The following RBFOX2 variants were observed in gnomAD, a reference collection of about 807,000 sequenced individuals.
RBFOX2 encodes the protein RNA binding fox-1 homolog 2.
RBFOX2 carries 10 observed loss-of-function variants against 49.1 expected under a neutral mutation model. The observed-to-expected ratio is 0.20, with a 90% CI of 0.13 to 0.35. RBFOX2 has a LOEUF of 0.35. Ranked by LOEUF, RBFOX2 falls within the 10% of genes least tolerant of loss-of-function variation. The probability of loss-of-function intolerance (pLI) is 1.00; values close to 1 mark genes in which losing one functional copy is unlikely to be tolerated. For synonymous variants in RBFOX2, 183 were observed against 187.4 expected, an observed-to-expected ratio of 0.98 and a Z score of 0.19; for missense variants, 323 against 486.9, an observed-to-expected ratio of 0.66 and a Z score of 3.17.
rs9754366 is a variant in RBFOX2 at position 35,865,855 on chromosome 22, T to C, written c.-33-55851A>G. On this transcript the variant is annotated intron_variant, in intron 1 of 13. Coordinates refer to the RBFOX2 transcript ENST00000359369. ...GAGTTTCAGATAAAGGACTGTTGTG[T>C]TGTTCTTTAGCTAAAAAAAAGGCAG... Among the ~76,000 whole-genome samples the C allele has an allele frequency of 7.6e-3, 1,160 of 152,276 alleles. 15 individuals are homozygous for C. Among genetic ancestry groups the C allele is most frequent in the African/African-American group, 0.027 (1,113 of 41,550 alleles).
At chr22:35,990,781 G>C (rs2057943540) in intron 1 of RBFOX2, among the ~76,000 whole-genome samples, 1 of 152,148 alleles carries the variant, frequency 6.6e-6, no homozygotes, top group Admixed American at 6.6e-5. Flanking sequence ...TTTTAAATGA[G>C]GGAGGGACAA....
chr22:35,766,365 G>T (rs1286492046), intron 5 of RBFOX2, among the ~76,000 whole-genome samples: 2 of 151,958 alleles, frequency 1.3e-5, no homozygotes, highest in African/African-American at 4.8e-5. Context: ...CATGCCAATT[G>T]AAAAAAGAAG....
chr22:35,776,899 A>G (rs1246556200), intron 4 of RBFOX2, among the ~76,000 whole-genome samples: 1 of 152,116 alleles, frequency 6.6e-6, no homozygotes, highest in Non-Finnish European at 1.5e-5. Context: ...TTTTTTCACA[A>G]CACCACTGTA....
At chr22:35,750,316 G>A (rs1934427151) in intron 9 of RBFOX2, 2 of 669,846 alleles carry the variant, frequency 3.0e-6, no homozygotes, top group Non-Finnish European at 5.1e-6. Context: ...GAGATATGAA[G>A]TCATGAAATA....
intron 1 of RBFOX2, among the ~76,000 whole-genome samples, chr22:36,022,808 C>T (rs2059295758): frequency 6.6e-6 from 1 of 152,138 alleles, no homozygotes; most frequent in African/African-American, 2.4e-5. Context: ...CCCCAGGGCA[C>T]AGACAAAGGA....
At chr22:36,016,736 C>A (rs2059050607) in intron 1 of RBFOX2, among the ~76,000 whole-genome samples, 1 of 152,188 alleles carries the variant, frequency 6.6e-6, no homozygotes, top group African/African-American at 2.4e-5. Flanking sequence ...GGTTTTTAAG[C>A]AGTTATTCCA....
chr22:35,835,083 C>T (rs548081244), intron 1 of RBFOX2, among the ~76,000 whole-genome samples: 90 of 152,158 alleles, frequency 5.9e-4, no homozygotes, highest in Middle Eastern at 3.4e-3. Flanking sequence ...GTGCTACAAT[C>T]AAAAGAGCAA....
intron 1 of RBFOX2, among the ~76,000 whole-genome samples, chr22:35,830,362 A>C (rs548946281): frequency 6.6e-6 from 1 of 152,372 alleles, no homozygotes; most frequent in South Asian, 2.1e-4. Flanking sequence ...AGATTTCTGA[A>C]GTAGGTGAAG....
intron 1 of RBFOX2, among the ~76,000 whole-genome samples, chr22:36,008,832 A>C: frequency 6.6e-6 from 1 of 152,186 alleles, no homozygotes; most frequent in Admixed American, 6.5e-5. Context: ...AGAAAAAAAA[A>C]GGAAAGATTC....
chr22:35,860,820 A>G (rs2043016465), intron 1 of RBFOX2, among the ~76,000 whole-genome samples: 1 of 152,212 alleles, frequency 6.6e-6, no homozygotes, highest in African/African-American at 2.4e-5. Flanking sequence ...CTATCAACAC[A>G]GTATATCTCT....
chr22:35,927,873 T>C (rs528110732), intron 1 of RBFOX2, among the ~76,000 whole-genome samples: 8 of 152,330 alleles, frequency 5.3e-5, no homozygotes, highest in African/African-American at 1.9e-4. Context: ...GCTAGATTCC[T>C]GAGCTAGAAA....
At chr22:35,763,781 GT>G (rs1414278885) in intron 6 of RBFOX2, among the ~76,000 whole-genome samples, 2 of 152,148 alleles carry the variant, frequency 1.3e-5, no homozygotes, top group African/African-American at 4.8e-5. Flanking sequence ...GGAGGGTTGA[GT>G]TTCAATAATT....
chr22:35,891,028 A>G (rs1302556639), intron 1 of RBFOX2, among the ~76,000 whole-genome samples: 2 of 152,196 alleles, frequency 1.3e-5, no homozygotes, highest in Non-Finnish European at 2.9e-5. Flanking sequence ...TCACTTATGT[A>G]TGTTAATTGA....
chr22:35,827,954 G>A (rs1956089818), intron 1 of RBFOX2, among the ~76,000 whole-genome samples: 1 of 152,018 alleles, frequency 6.6e-6, no homozygotes, highest in Admixed American at 6.6e-5. Flanking sequence ...ATCACCTGAG[G>A]TCAGGAGTTC....
rs553808789 is a variant in RBFOX2, at chr22:35,785,125, A to G, written c.253-3379T>C. Among the ~76,000 whole-genome samples, 4 of 152,220 alleles carry G rather than the reference A, an allele frequency of 2.6e-5. No homozygotes were observed. In the South Asian group the frequency reaches 8.3e-4, roughly 32 times the overall value. On this transcript the variant is annotated intron_variant, in intron 2 of 11. Coordinates refer to ENST00000405409, the Ensembl canonical transcript of RBFOX2. ...TGATCCTCCCACCTCAGCCTCCCGAATGGCTGGCACTACAGGTACGCACCA... is the reference window on the plus strand; with the variant it reads ...TGATCCTCCCACCTCAGCCTCCCGAGTGGCTGGCACTACAGGTACGCACCA...
intron 1 of RBFOX2, among the ~76,000 whole-genome samples, chr22:35,909,148 G>C (rs1225697562): frequency 6.6e-6 from 1 of 151,994 alleles, no homozygotes. Context: ...AGCACATCTC[G>C]CTATCTTTCA....
chr22:35,888,784 A>G (rs2046905152), intron 1 of RBFOX2, among the ~76,000 whole-genome samples: 1 of 152,164 alleles, frequency 6.6e-6, no homozygotes, highest in African/African-American at 2.4e-5. Context: ...TCTTGCCACA[A>G]TCTCTTATCT....
chr22:35,818,477 C>T (rs1947038004), intron 1 of RBFOX2, among the ~76,000 whole-genome samples: 1 of 152,098 alleles, frequency 6.6e-6, no homozygotes, highest in South Asian at 2.1e-4. Context: ...CTTCCATATG[C>T]TAAACTGGAA....
chr22:35,977,138 CA>C (rs1185410158), intron 1 of RBFOX2, among the ~76,000 whole-genome samples: 1 of 151,874 alleles, frequency 6.6e-6, no homozygotes, highest in Non-Finnish European at 1.5e-5. Context: ...AAGAGATATC[CA>C]TTATATACCT....
Sources: gnomAD v4.1 joint callset for allele counts (sites outside exome capture counted in the v4.1 genomes callset) on GRCh38, gnomAD v4.1.1 for gene constraint, MANE v1.5 for transcripts, NCBI Gene and HGNC (gene_info 2026-07-23, HGNC 2026-07-21) for gene names.